The following MIPOL1 variants were observed in gnomAD, a reference collection of about 807,000 sequenced individuals.
The protein encoded by MIPOL1 is mirror-image polydactyly gene 1 protein.
In MIPOL1, 57 loss-of-function variants were observed where a neutral mutation model predicts 60.9. That is an observed-to-expected ratio of 0.94 (90% CI 0.76 to 1.17). The LOEUF (loss-of-function observed/expected upper bound fraction) is 1.17. MIPOL1 is among the 50% of genes most tolerant of loss of function. The probability of loss-of-function intolerance (pLI) is 0.00; values close to 1 mark genes in which losing one functional copy is unlikely to be tolerated. For synonymous variants in MIPOL1, 179 were observed against 168.8 expected (o/e 1.06, Z -0.47); for missense variants, 551 against 511.6 (o/e 1.08, Z -0.74).
At chr14:37,517,122 T>G (rs984861791) in intron 12 of MIPOL1, among the ~76,000 whole-genome samples, 8 of 152,152 alleles carry the variant, frequency 5.3e-5, no homozygotes, top group Admixed American at 3.3e-4. Context: ...TACAGATCAT[T>G]AAATTTGCTC....
intron 11 of MIPOL1, among the ~76,000 whole-genome samples, chr14:37,437,851 T>C (rs2094186253): frequency 6.6e-6 from 1 of 152,200 alleles, no homozygotes; most frequent in African/African-American, 2.4e-5. Context: ...CCCATTATTA[T>C]TATAATCCCA....
chr14:37,294,509 C>T (rs903691101), intron 7 of MIPOL1, among the ~76,000 whole-genome samples: 17 of 151,836 alleles, frequency 1.1e-4, no homozygotes, highest in Non-Finnish European at 1.9e-4. Flanking sequence ...CAAACTAGTC[C>T]GAGCTAAAGG....
At chr14:37,351,306 C>T (rs1439440067) in intron 9 of MIPOL1, among the ~76,000 whole-genome samples, 239 of 142,956 alleles carry the variant, frequency 1.7e-3, no homozygotes, top group African/African-American at 5.8e-3. Context: ...TCCAGTCTAT[C>T]ATTGTTGGAC....
intron 12 of MIPOL1, chr14:37,501,613 T>C (rs997103903): frequency 1.3e-5 from 2 of 152,106 alleles, no homozygotes; most frequent in African/African-American, 2.4e-5. Context: ...TTAAATTAAA[T>C]AACTTTACTG....
intron 1 of MIPOL1, among the ~76,000 whole-genome samples, chr14:37,204,755 T>G (rs939160151): frequency 3.9e-5 from 6 of 152,028 alleles, no homozygotes; most frequent in Non-Finnish European, 8.8e-5. Flanking sequence ...ACACAGTAAA[T>G]GGACTAATAC....
intron 12 of MIPOL1, among the ~76,000 whole-genome samples, chr14:37,515,222 C>T (rs1204886032): frequency 1.3e-5 from 2 of 151,688 alleles, no homozygotes; most frequent in Non-Finnish European, 2.9e-5. Flanking sequence ...TATCTTCTTT[C>T]TTCCTTCAGT....
At chr14:37,200,144 A>G (rs1449052020) in intron 1 of MIPOL1, among the ~76,000 whole-genome samples, 1 of 152,224 alleles carries the variant, frequency 6.6e-6, no homozygotes, top group Non-Finnish European at 1.5e-5. Context: ...GGGACCAGAC[A>G]ATAAGTGTAG....
intron 11 of MIPOL1, among the ~76,000 whole-genome samples, chr14:37,498,196 GA>G (rs1157144772): frequency 1.3e-5 from 2 of 152,028 alleles, no homozygotes; most frequent in Non-Finnish European, 2.9e-5. Context: ...TTGGGGAGGG[GA>G]AAAAATGGGA....
chr14:37,432,737 A>G (rs987605652), intron 11 of MIPOL1, among the ~76,000 whole-genome samples: 1 of 152,110 alleles, frequency 6.6e-6, no homozygotes, highest in African/African-American at 2.4e-5. Context: ...TCCACTGTTC[A>G]TTGCAGCATT....
At chr14:37,348,603 T>C (rs989167297) in intron 9 of MIPOL1, among the ~76,000 whole-genome samples, 1 of 151,872 alleles carries the variant, frequency 6.6e-6, no homozygotes, top group African/African-American at 2.4e-5. Context: ...AAATGCCTCT[T>C]AATGGTTATA....
intron 10 of MIPOL1, among the ~76,000 whole-genome samples, chr14:37,397,506 G>A (rs2153526697): frequency 6.6e-6 from 1 of 152,316 alleles, no homozygotes; most frequent in African/African-American, 2.4e-5. Context: ...AGCATCAGCT[G>A]TGGTAATATG....
At chr14:37,356,193 G>C (rs574086599) in intron 9 of MIPOL1, among the ~76,000 whole-genome samples, 1 of 151,940 alleles carries the variant, frequency 6.6e-6, no homozygotes, top group Non-Finnish European at 1.5e-5. Flanking sequence ...GTCCCTGCTG[G>C]GGTGTGCCTC....
intron 6 of MIPOL1, among the ~76,000 whole-genome samples, chr14:37,284,680 T>G (rs2084406309): frequency 6.6e-6 from 1 of 152,216 alleles, no homozygotes; most frequent in Admixed American, 6.5e-5. Context: ...TGTCTATTCA[T>G]AAATAGTTGG....
At chr14:37,509,752 TACAC>T (rs1403548284) in intron 12 of MIPOL1, among the ~76,000 whole-genome samples, 1 of 151,496 alleles carries the variant, frequency 6.6e-6, no homozygotes, top group African/African-American at 2.4e-5. Context: ...GCACATGTGA[TACAC>T]ATACATGTAT....
intron 9 of MIPOL1, among the ~76,000 whole-genome samples, chr14:37,310,340 C>T (rs2087210586): frequency 6.6e-6 from 1 of 152,032 alleles, no homozygotes; most frequent in Admixed American, 6.6e-5. Context: ...TTGCCTTTTG[C>T]TTGTCTATTC....
chr14:37,442,128 GT>G (rs2094257829), intron 11 of MIPOL1, among the ~76,000 whole-genome samples: 2 of 132,816 alleles, frequency 1.5e-5, no homozygotes, highest in Non-Finnish European at 3.3e-5. Context: ...GTGTGTGTGT[GT>G]GTCTATTGTA....
At chr14:37,325,945 C>T (rs183469972) in intron 9 of MIPOL1, among the ~76,000 whole-genome samples, 76 of 152,198 alleles carry the variant, frequency 5.0e-4, no homozygotes, top group Admixed American at 2.0e-3. Flanking sequence ...TGTCCTCCCG[C>T]GAAAGCTTTT....
chr14:37,316,594 T>G (rs560177077), intron 9 of MIPOL1, among the ~76,000 whole-genome samples: 17 of 310 alleles, frequency 0.055, no homozygotes, highest in African/African-American at 0.077. Context: ...TCTTGGGAGG[T>G]TTTTTTTTTT....
intron 1 of MIPOL1, among the ~76,000 whole-genome samples, chr14:37,231,424 G>A (rs1970610926): frequency 6.6e-6 from 1 of 152,028 alleles, no homozygotes; most frequent in Non-Finnish European, 1.5e-5. Flanking sequence ...ATTTTAAATG[G>A]CTTGCACTCA....
Sources: allele counts gnomAD v4.1 joint callset (sites outside exome capture counted in the v4.1 genomes callset), GRCh38; gene constraint gnomAD v4.1.1; transcripts MANE v1.5; gene names NCBI Gene and HGNC (gene_info 2026-07-23, HGNC 2026-07-21).